Variants in TTC7B observed in about 807,000 individuals in gnomAD.
TTC7B encodes the protein tetratricopeptide repeat domain 7B.
Under a neutral mutation model 106.8 loss-of-function variants are expected in TTC7B, and 28 were observed. The observed-to-expected ratio is 0.26, with a 90% confidence interval of 0.19 to 0.36. TTC7B has a LOEUF of 0.36. Among genes scored for constraint, TTC7B ranks in the 10% least tolerant of loss-of-function variants. TTC7B has a pLI of 1.00. For missense variants in TTC7B, 862 were observed against 1,076.4 expected (o/e 0.80, Z 2.79); for synonymous variants, 405 against 430.6 (o/e 0.94, Z 0.74).
At chr14:90,803,209 C>T (rs993803000) in intron 1 of TTC7B, among the ~76,000 whole-genome samples, 4 of 152,052 alleles carry the variant, frequency 2.6e-5, no homozygotes, top group African/African-American at 9.7e-5. Flanking sequence ...CCCTCTAAAC[C>T]CTCCAGTGGT....
chr14:90,795,149 C>T (rs1891731522), intron 1 of TTC7B, among the ~76,000 whole-genome samples: 1 of 151,990 alleles, frequency 6.6e-6, no homozygotes, highest in African/African-American at 2.4e-5. Flanking sequence ...AACATTAAAG[C>T]TAGACTTTTA....
intron 9 of TTC7B, among the ~76,000 whole-genome samples, 155 bp from the exon 10 acceptor site, chr14:90,658,542 C>T (rs911714177): frequency 1.2e-4 from 18 of 152,226 alleles, no homozygotes; most frequent in African/African-American, 3.9e-4. Flanking sequence ...ACGGCTCCTA[C>T]GGAGTCCCCA....
At chr14:90,654,552 T>C (rs762370958) in intron 12 of TTC7B, among the ~76,000 whole-genome samples, 1 of 152,080 alleles carries the variant, frequency 6.6e-6, no homozygotes. Flanking sequence ...AATGTGCAAA[T>C]GGAGAAGGGG....
intron 17 of TTC7B, among the ~76,000 whole-genome samples, chr14:90,604,170 A>G (rs771451940): frequency 2.0e-5 from 3 of 152,226 alleles, no homozygotes; most frequent in Non-Finnish European, 2.9e-5. Context: ...AAGAGTGGAC[A>G]GGGAAGTGGG....
intron 19 of TTC7B, among the ~76,000 whole-genome samples, chr14:90,565,032 T>C (rs1890730822): frequency 6.6e-6 from 1 of 152,274 alleles, no homozygotes; most frequent in African/African-American, 2.4e-5. Context: ...TTTTATGTTA[T>C]GAGACAGCTT....
chr14:90,731,328 T>C (rs757013320), intron 4 of TTC7B, among the ~76,000 whole-genome samples: 1 of 152,166 alleles, frequency 6.6e-6, no homozygotes, highest in African/African-American at 2.4e-5. Context: ...TAAAAACCAA[T>C]GTTCTCCAAA....
At chr14:90,727,941 C>T (rs912335904) in intron 5 of TTC7B, among the ~76,000 whole-genome samples, 13 of 152,192 alleles carry the variant, frequency 8.5e-5, no homozygotes, top group African/African-American at 3.1e-4. Flanking sequence ...TCTGTCCCCG[C>T]TTGCTGTAGG....
At chr14:90,694,381 TAG>T (rs1887592801) in intron 6 of TTC7B, among the ~76,000 whole-genome samples, 1 of 152,062 alleles carries the variant, frequency 6.6e-6, no homozygotes, top group South Asian at 2.1e-4. Context: ...CTAACGAGTA[TAG>T]AGTTTCTTTT....
At chr14:90,669,898 TATC>T (rs1192386029) in intron 9 of TTC7B, among the ~76,000 whole-genome samples, 9 of 152,162 alleles carry the variant, frequency 5.9e-5, no homozygotes, top group African/African-American at 2.2e-4. Flanking sequence ...AACATAGAAT[TATC>T]ATATGACCAA....
At position 90,658,392 on chromosome 14, in the gene TTC7B, T is replaced by G; in HGVS notation, c.1153-5A>C. On this transcript the variant is annotated splice_region_variant and splice_polypyrimidine_tract_variant and intron_variant, in intron 9 of 19. Transcript: ENST00000328459. ...CTTCATGGCTCTTTCTAGGCACTGGTTGGGAAAGAAAAACAAATGCAGACA... is the reference window on the plus strand; with the variant it reads ...CTTCATGGCTCTTTCTAGGCACTGGGTGGGAAAGAAAAACAAATGCAGACA... 1 of 1,613,990 alleles carries G rather than the reference T, an allele frequency of 6.2e-7. No individual in the cohort carries two copies. The highest frequency in any genetic ancestry group is 8.5e-7 in the Non-Finnish European group (1 of 1,179,892).
In TTC7B at chr14:90,599,588, C is replaced by T. The variant is rs987284027; in HGVS notation, c.1967-5962G>A. Among the ~76,000 whole-genome samples the T allele has an allele frequency of 3.9e-5, 6 of 152,328 alleles. No individual in the cohort carries two copies. In the East Asian group the frequency reaches 1.2e-3, roughly 29 times the overall value. On this transcript the variant is annotated intron_variant, in intron 17 of 19. Transcript: ENST00000328459. ...CCTCATGAGTGTGAACATGGGGGAA[C>T]GATGGCACGTGGCCACACCCCAAGC... is the stretch of plus-strand genomic sequence containing the variant.
Position 90,610,180 on chromosome 14 carries a change from G to A in TTC7B, c.1966+562C>T, listed in dbSNP as rs551876829. ...GGGACACTTCACCTGTGTCACCACT[G>A]TGGGGTCTACTCCCCTGTAGTTAGG... On this transcript the variant is annotated intron_variant, in intron 17 of 19. Coordinates refer to ENST00000328459, the MANE Select transcript of TTC7B (RefSeq NM_001010854.2). 2.6e-5 allele frequency among the ~76,000 whole-genome samples: 4 copies of A among 152,346 alleles called. No homozygotes were observed. The East Asian group carries it at 7.7e-4, about 29-fold the overall frequency.
intron 18 of TTC7B, among the ~76,000 whole-genome samples, chr14:90,592,039 A>C (rs1305808945): frequency 6.6e-6 from 1 of 152,248 alleles, no homozygotes; most frequent in Non-Finnish European, 1.5e-5. Context: ...ATTATGGTGC[A>C]ATTGAAGATG....
intron 5 of TTC7B, among the ~76,000 whole-genome samples, chr14:90,717,017 G>A (rs376891377): frequency 3.9e-4 from 60 of 152,278 alleles, no homozygotes; most frequent in African/African-American, 1.3e-3. Flanking sequence ...CCAAAATACA[G>A]AGGAAGGTGG....
Position 90,658,381 on chromosome 14 carries a change from C to G in TTC7B, c.1159G>C (p.Glu387Gln). The change falls in exon 10 of 20, where the codon GAA becomes CAA. Residue 387 changes from glutamate to glutamine, a missense_variant. Glu to Gln is a conservative substitution (Grantham distance 29, BLOSUM62 2). Transcript: ENST00000328459. ...TCAAAGGCAAACTTCATGGCTCTTT[C>G]TAGGCACTGGTTGGGAAAGAAAAAC... ...GQYEMLSECL[E>Q]RAMKFAFEEF... The G allele has an allele frequency of 6.2e-7, 1 of 1,614,148 alleles. No individual in the cohort carries two copies. The highest frequency in any genetic ancestry group is 8.5e-7 in the Non-Finnish European group (1 of 1,179,988).
chr14:90,780,683 G>A lies in TTC7B; in HGVS notation c.445+55C>T. 4.5e-6 allele frequency: 7 copies of A among 1,567,120 alleles called. No individual in the cohort carries two copies. In the South Asian group the frequency reaches 7.0e-5, roughly 16 times the overall value. ...CAAGGGTCAAATAGGCAGCTCCGAA[G>A]AGGCGCTGCTGGCTCCAGGTCACGG... On this transcript the variant is annotated intron_variant, in intron 3 of 19. Transcript: ENST00000328459.
At chr14:90,547,599 C>A (rs751890409) in intron 19 of TTC7B, among the ~76,000 whole-genome samples, 1 of 152,100 alleles carries the variant, frequency 6.6e-6, no homozygotes, top group Non-Finnish European at 1.5e-5. Context: ...AGTTCGAGAC[C>A]GACCTGGGCA....
At chr14:90,607,436 C>T (rs761718945) in intron 17 of TTC7B, among the ~76,000 whole-genome samples, 2 of 152,192 alleles carry the variant, frequency 1.3e-5, no homozygotes, top group African/African-American at 2.4e-5. Flanking sequence ...GGGCATGACG[C>T]TGATAAGCTG....
At chr14:90,811,138 T>A (rs2030880633) in intron 1 of TTC7B, among the ~76,000 whole-genome samples, 1 of 152,214 alleles carries the variant, frequency 6.6e-6, no homozygotes, top group Non-Finnish European at 1.5e-5. Context: ...GTGCCATCAA[T>A]CAGTCACTGT....
Sources: allele counts gnomAD v4.1 joint callset (sites outside exome capture counted in the v4.1 genomes callset), GRCh38; gene constraint gnomAD v4.1.1; transcripts MANE v1.5; gene names NCBI Gene and HGNC (gene_info 2026-07-23, HGNC 2026-07-21).